Variants in CROCC2 observed in about 807,000 individuals in gnomAD.
The protein encoded by CROCC2 is ciliary rootlet coiled-coil, rootletin family member 2.
A neutral mutation model predicts 177.6 loss-of-function variants in CROCC2; 163 were observed. The ratio of observed to expected loss-of-function variants is 0.92; its 90% CI spans 0.81 to 1.05. The LOEUF (loss-of-function observed/expected upper bound fraction) is 1.05, where lower values mean the gene tolerates loss of function less well. CROCC2 is among the 50% of genes least tolerant of loss of function. The pLI is 0.00. For missense variants in CROCC2, 1,929 were observed against 1,797.8 expected, an observed-to-expected ratio of 1.07 and a Z score of -1.32; for synonymous variants, 904 against 787.3, an observed-to-expected ratio of 1.15 and a Z score of -2.48.
Position 240,933,856 on chromosome 2 carries a change from C to A in CROCC2, c.1646+4C>A, listed in dbSNP as rs1042839743. On this transcript the variant is annotated splice_donor_region_variant and intron_variant, in intron 11 of 31. Transcript: ENST00000690015. The stretch of plus-strand genomic sequence containing the variant: ...GCTGCAGGGCACTGGAGACCAGGTG[C>A]GCGGCCGTGGCTGGGTGGGCAGGGC... 5 of 1,541,518 alleles carry A rather than the reference C, an allele frequency of 3.2e-6. No individual in the cohort carries two copies. Among genetic ancestry groups the A allele is most frequent in the African/African-American group, 2.7e-5 (2 of 72,864 alleles).
rs1250482033 is a variant in CROCC2 at position 240,935,021 on chromosome 2, T to A, written c.1897T>A (p.Leu633Met). The A allele has an allele frequency of 2.1e-6, 3 of 1,424,124 alleles. No homozygotes were observed. The highest frequency in any genetic ancestry group is 2.8e-6 in the Non-Finnish European group (3 of 1,085,288). The allele number at this position is 1,424,124 out of a possible 1,614,324, so 88.2% of individuals were successfully genotyped here. The change falls in exon 13 of 32, where the codon TTG becomes ATG. Residue 633 changes from leucine to methionine, a missense_variant. Physicochemically the swap from Leu to Met is conservative, Grantham distance 15. This residue lies in a region of CROCC2 where 1,397 missense variants were observed against 1,239.9 expected (regional missense o/e 1.13). Coordinates refer to ENST00000690015, the MANE Select transcript of CROCC2 (RefSeq NM_001351305.2). ...LAAMAALMEG[L>M]AQDKSALNHL... ...CGCAATGGCCGCCTTGATGGAGGGG[T>A]TGGCTCAGGACAAAAGTGCCCTGAA...
intron 14 of CROCC2, among the ~76,000 whole-genome samples, chr2:240,943,272 T>G (rs2059504223): frequency 6.6e-6 from 1 of 151,754 alleles, no homozygotes; most frequent in African/African-American, 2.4e-5. Context: ...CCTCCCAAAG[T>G]GCTGGGATTT....
At chr2:240,955,574 A>G (rs2059585360) in intron 18 of CROCC2, 2 of 377,558 alleles carry the variant, frequency 5.3e-6, no homozygotes, top group East Asian at 4.2e-5. Context: ...AGGCAGAGGA[A>G]GGGGAGGATA....
intron 6 of CROCC2, 123 bp downstream of exon 6, chr2:240,930,392 C>T (rs933136319): frequency 1.9e-5 from 8 of 425,804 alleles, no homozygotes; most frequent in East Asian, 1.1e-4. Flanking sequence ...CCTGGCCTGC[C>T]GGCTTCTCAC....
chr2:240,933,701 G>A lies in CROCC2; in HGVS notation c.1495G>A (p.Glu499Lys). Residue 499 changes from glutamate (E) to lysine (K), a missense_variant, in exon 11 of 32, where the codon GAG becomes AAG. Physicochemically the swap from Glu to Lys is moderately conservative, Grantham distance 56 (BLOSUM62 1). Transcript: ENST00000690015. ...EKAALEMVVE[E>K]LKGKADAADA... ...GGCTGCTCTGGAGATGGTGGTGGAG[G>A]AGCTGAAAGGGAAGGCAGATGCTGC... 6.5e-7 allele frequency: 1 copy of A among 1,550,378 alleles called. No individual in the cohort carries two copies. The highest frequency in any genetic ancestry group is 1.2e-5 in the South Asian group (1 of 84,058).
intron 15 of CROCC2, among the ~76,000 whole-genome samples, chr2:240,948,152 A>C (rs1483375689): frequency 6.6e-6 from 1 of 152,080 alleles, no homozygotes; most frequent in Non-Finnish European, 1.5e-5. Flanking sequence ...GATGGGGGCC[A>C]TGAGGAACAC....
intron 21 of CROCC2, chr2:240,964,235 A>AGGAG (rs917151541): frequency 6.8e-6 from 4 of 589,196 alleles, no homozygotes; most frequent in Non-Finnish European, 1.2e-5. Flanking sequence ...GGATGAGGTG[A>AGGAG]GGAGGGGCTG....
intron 1 of CROCC2, among the ~76,000 whole-genome samples, chr2:240,916,329 A>C (rs2059319751): frequency 1.3e-5 from 2 of 148,566 alleles, no homozygotes; most frequent in Admixed American, 6.7e-5. Flanking sequence ...CTGCCCTCAC[A>C]CTCCAAAGTC....
rs554490440 is a variant in CROCC2 at position 240,965,775 on chromosome 2, T to C, written c.3743T>C (p.Leu1248Pro). The C allele has an allele frequency of 4.3e-5, 64 of 1,494,494 alleles. No individual in the cohort carries two copies. The South Asian group carries it at 8.2e-4, about 19-fold the overall frequency. The allele number at this position is 1,494,494 out of a possible 1,614,324, so 92.6% of individuals were successfully genotyped here. The change falls in exon 24 of 32, where the codon CTG (leucine) becomes CCG (proline). Residue 1248 changes from leucine (L) to proline (P), a missense_variant. Physicochemically the swap from Leu to Pro is moderately conservative, Grantham distance 98 (BLOSUM62 -3). Transcript: ENST00000690015. ...RAELHSVTRK[L>P]QEASGVADAL... ...GAGCTGCACAGTGTCACCAGGAAGCTGCAGGAAGCCAGTGGTGTGGCTGAT... is the reference window on the plus strand; with the variant it reads ...GAGCTGCACAGTGTCACCAGGAAGCCGCAGGAAGCCAGTGGTGTGGCTGAT...
At chr2:240,948,510 TA>T (rs1208611399) in intron 15 of CROCC2, among the ~76,000 whole-genome samples, 3 of 152,216 alleles carry the variant, frequency 2.0e-5, no homozygotes, top group African/African-American at 7.2e-5. Context: ...TGTTCACGGA[TA>T]AACACCCAGC....
intron 7 of CROCC2, 59 bp downstream of exon 7, chr2:240,931,187 C>T: frequency 1.5e-6 from 1 of 656,970 alleles, no homozygotes. Context: ...GGGGCCCATC[C>T]AGCGTGCCGA....
At position 240,918,835 on chromosome 2, in the gene CROCC2, G is replaced by A. The variant is rs780663495; in HGVS notation, c.188G>A (p.Arg63His). 4.4e-4 allele frequency: 284 copies of A among 643,852 alleles called. 3 individuals are homozygous for A. The highest frequency in any genetic ancestry group is 1.3e-3 in the Middle Eastern group (5 of 3,894). 39.9% of individuals were successfully genotyped at this position (643,852 alleles called of 1,614,324 possible). Residue 63 changes from arginine to histidine, a missense_variant, in exon 2 of 32, where the codon CGT (arginine) becomes CAT (histidine). Arg to His is a conservative substitution (Grantham distance 29). This residue lies in a region of CROCC2 where 1,397 missense variants were observed against 1,239.9 expected (regional missense o/e 1.13). Coordinates refer to ENST00000690015, the MANE Select transcript of CROCC2 (RefSeq NM_001351305.2). The surrounding 1 kb of genome is among the most constrained non-coding windows in gnomAD (Gnocchi z 6.3). ...CCCACCCCCGTGCCCACCCGCATCCGTGAGATCGTGGCCGGCAGCCTGAGT... is the reference window on the plus strand; with the variant it reads ...CCCACCCCCGTGCCCACCCGCATCCATGAGATCGTGGCCGGCAGCCTGAGT... ...ASPTPVPTRI[R>H]EIVAGSLSEE...
chr2:240,907,850 G>C (rs1234052860), intron 1 of CROCC2, among the ~76,000 whole-genome samples: 3 of 77,750 alleles, frequency 3.9e-5, no homozygotes, highest in African/African-American at 1.7e-4. Flanking sequence ...CCTGGGGTGA[G>C]CTCTACCTCC....
chr2:240,935,442 G>A lies in CROCC2; in HGVS notation c.2023G>A (p.Ala675Thr). 4 of 1,370,424 alleles carry A rather than the reference G, an allele frequency of 2.9e-6. No individual in the cohort carries two copies. Among genetic ancestry groups the A allele is most frequent in the Non-Finnish European group, 3.8e-6 (4 of 1,056,724 alleles). The allele number at this position is 1,370,424 out of a possible 1,614,324, so 84.9% of individuals were successfully genotyped here. Residue 675 changes from alanine to threonine, a missense_variant, in exon 14 of 32, where the codon GCG (alanine) becomes ACG (threonine). Around this residue, in one of 3 missense-constraint regions of CROCC2, gnomAD observed 1,397 missense variants for 1,239.9 expected, o/e 1.13. Coordinates refer to ENST00000690015, the MANE Select transcript of CROCC2 (RefSeq NM_001351305.2). ...CCGGGCCGGGGAGCAGCTGGCACAG[G>A]CGGAGCAGCAGCTGGCGCTGGAGCG... ...RARAGEQLAQ[A>T]EQQLALERAE...
chr2:240,987,159 G>A (rs1231353009), intron 28 of CROCC2, among the ~76,000 whole-genome samples: 1 of 152,228 alleles, frequency 6.6e-6, no homozygotes, highest in Non-Finnish European at 1.5e-5. Flanking sequence ...GCTGGGGGTG[G>A]AGGAGCAGGG....
intron 7 of CROCC2, among the ~76,000 whole-genome samples, chr2:240,931,603 C>T (rs994997546): frequency 3.3e-5 from 5 of 152,214 alleles, no homozygotes; most frequent in Admixed American, 6.5e-5. Flanking sequence ...CCACCCACAT[C>T]GGGGGCTCAG....
rs35968018 is a variant in CROCC2 at position 240,911,296 on chromosome 2, C to CT, written c.78+4724dup. Among the ~76,000 whole-genome samples the CT allele has an allele frequency of 2.8e-3, 346 of 123,038 alleles. 12 individuals carry two copies. The highest frequency in any genetic ancestry group is 8.1e-3 in the African/African-American group (265 of 32,592). 80.7% of individuals were successfully genotyped at this position (123,038 alleles called of 152,430 possible). On this transcript the variant is annotated intron_variant, in intron 1 of 31. Coordinates refer to ENST00000690015, the MANE Select transcript of CROCC2 (RefSeq NM_001351305.2). The stretch of plus-strand genomic sequence containing the variant: ...CCATCACCACCATCCACGTCCACAA[C>CT]TTTTTTTTTTTTTTTTTTTAGACAG...
intron 20 of CROCC2, 79 bp downstream of exon 20, chr2:240,959,523 T>C: frequency 2.8e-5 from 39 of 1,413,562 alleles, no homozygotes; most frequent in Non-Finnish European, 3.5e-5. Context: ...GAGGAGAGAG[T>C]GGGGGTGCCA....
chr2:240,970,158 A>G (rs2059711030), intron 27 of CROCC2, among the ~76,000 whole-genome samples: 1 of 152,142 alleles, frequency 6.6e-6, no homozygotes, highest in Admixed American at 6.5e-5. Flanking sequence ...CTTTTTGTCA[A>G]TGTCTCCTTT....
Sources: allele counts gnomAD v4.1 joint callset (sites outside exome capture counted in the v4.1 genomes callset), GRCh38; gene constraint gnomAD v4.1.1; regional missense constraint gnomAD v4.1.1; non-coding constraint Gnocchi (gnomAD v3.1); transcripts MANE v1.5; gene names NCBI Gene and HGNC (gene_info 2026-07-23, HGNC 2026-07-21).